Variants in CNTNAP2 observed in about 807,000 individuals in gnomAD.
The protein encoded by CNTNAP2 is contactin-associated protein-like 2.
Under a neutral mutation model 155.2 loss-of-function variants are expected in CNTNAP2, and 98 were observed. That is an observed-to-expected ratio of 0.63 (90% confidence interval 0.54 to 0.75). CNTNAP2 has a LOEUF of 0.75. CNTNAP2 is among the 30% of genes least tolerant of loss of function. The probability of loss-of-function intolerance (pLI) is 0.00; values close to 1 mark genes in which losing one functional copy is unlikely to be tolerated. For missense variants in CNTNAP2, 1,727 were observed against 1,688.1 expected, an observed-to-expected ratio of 1.02 and a Z score of -0.40; for synonymous variants, 651 against 631.2, an observed-to-expected ratio of 1.03 and a Z score of -0.47.
chr7:146,610,336 A>G (rs1585005453), intron 1 of CNTNAP2, among the ~76,000 whole-genome samples: 2 of 152,182 alleles, frequency 1.3e-5, no homozygotes, highest in African/African-American at 4.8e-5. Context: ...AAGACTTGAC[A>G]TGGCAGGAAA....
intron 19 of CNTNAP2, among the ~76,000 whole-genome samples, chr7:148,218,675 C>A (rs1273629671): frequency 6.6e-6 from 1 of 152,112 alleles, no homozygotes; most frequent in African/African-American, 2.4e-5. Flanking sequence ...CAGGCATGAG[C>A]CACCATGCCC....
chr7:147,044,678 A>T (rs1057211467), intron 4 of CNTNAP2, among the ~76,000 whole-genome samples: 1 of 152,176 alleles, frequency 6.6e-6, no homozygotes, highest in Non-Finnish European at 1.5e-5. Context: ...GGATTCCAAC[A>T]TATGAATTTG....
At chr7:147,147,971 C>A (rs1456769264) in intron 8 of CNTNAP2, among the ~76,000 whole-genome samples, 4 of 152,156 alleles carry the variant, frequency 2.6e-5, no homozygotes, top group African/African-American at 9.7e-5. Context: ...CAGAGTCTTT[C>A]ATTTTGGGTA....
intron 14 of CNTNAP2, among the ~76,000 whole-genome samples, chr7:147,913,244 T>C (rs541690206): frequency 6.6e-6 from 1 of 152,302 alleles, no homozygotes; most frequent in East Asian, 1.9e-4. Flanking sequence ...TGGCACAAGG[T>C]CCTGCTAAAT....
intron 13 of CNTNAP2, among the ~76,000 whole-genome samples, chr7:147,667,795 C>CTG (rs1795720560): frequency 7.7e-6 from 1 of 129,654 alleles, no homozygotes; most frequent in African/African-American, 2.8e-5. Context: ...GCTGCTGCTG[C>CTG]AAAAAAAAAA....
intron 21 of CNTNAP2, among the ~76,000 whole-genome samples, chr7:148,366,244 GCATGTATATATGTGTGTATATGTGTA>G (rs1174661246): frequency 7.1e-6 from 1 of 141,816 alleles, no homozygotes; most frequent in African/African-American, 2.6e-5. Flanking sequence ...ATATGTGTAT[GCATGTATATATGTGTGTATATGTGTA>G]CATGTATATA....
chr7:147,813,446 A>C (rs1268129818), intron 13 of CNTNAP2, among the ~76,000 whole-genome samples: 1 of 152,196 alleles, frequency 6.6e-6, no homozygotes, highest in Admixed American at 6.5e-5. Context: ...ATTGAAGCAG[A>C]AGGTAGCTAG....
chr7:147,894,828 C>T (rs955754368), intron 13 of CNTNAP2, among the ~76,000 whole-genome samples: 3 of 152,028 alleles, frequency 2.0e-5, no homozygotes, highest in African/African-American at 4.8e-5. Flanking sequence ...TTGAAAATCA[C>T]AGGTATGCAC....
Position 146,790,924 on chromosome 7 carries a change from T to C in CNTNAP2, c.208+16543T>C, listed in dbSNP as rs563838251. On this transcript the variant is annotated intron_variant, in intron 2 of 23. Transcript: ENST00000361727. ...TGGAGACAGGCTTTGAGTACCTCAG[T>C]CTTTTTTTTTTTTAACTTTAAGTTC... Among the ~76,000 whole-genome samples, 295 of 148,722 alleles carry C rather than the reference T, an allele frequency of 2.0e-3. 3 individuals are homozygous for C. The highest frequency in any genetic ancestry group is 7.0e-3 in the African/African-American group (271 of 38,684).
At chr7:148,351,061 A>C (rs111523047) in intron 21 of CNTNAP2, among the ~76,000 whole-genome samples, 3,484 of 152,290 alleles carry the variant, frequency 0.023, 47 homozygotes, top group African/African-American at 0.043. Flanking sequence ...GGGGCTTCTT[A>C]TTCGTGGGCA....
intron 8 of CNTNAP2, among the ~76,000 whole-genome samples, chr7:147,212,450 G>T (rs1322215651): frequency 6.6e-6 from 1 of 152,072 alleles, no homozygotes; most frequent in Non-Finnish European, 1.5e-5. Flanking sequence ...CATGGATGCA[G>T]CTGAAGGCCT....
chr7:146,156,549 A>G (rs1798129204), intron 1 of CNTNAP2, among the ~76,000 whole-genome samples: 1 of 152,222 alleles, frequency 6.6e-6, no homozygotes, highest in Admixed American at 6.5e-5. Flanking sequence ...CTATTAAATT[A>G]TTGTTATTTA....
chr7:147,830,883 G>T (rs1465603052), intron 13 of CNTNAP2, among the ~76,000 whole-genome samples: 3 of 152,166 alleles, frequency 2.0e-5, no homozygotes, highest in Non-Finnish European at 4.4e-5. Context: ...CATTTTCTAA[G>T]AAACAGAAGA....
At chr7:147,279,411 C>G (rs1253023232) in intron 8 of CNTNAP2, among the ~76,000 whole-genome samples, 1 of 151,708 alleles carries the variant, frequency 6.6e-6, no homozygotes, top group Admixed American at 6.6e-5. Flanking sequence ...ATTTGATGAA[C>G]TTAGGCGATG....
chr7:147,201,395 G>A (rs781272702), intron 8 of CNTNAP2, among the ~76,000 whole-genome samples: 22 of 152,194 alleles, frequency 1.4e-4, no homozygotes, highest in African/African-American at 4.8e-4. Flanking sequence ...CTCATTAACC[G>A]AGACAATGGG....
chr7:147,299,145 C>T (rs1331771514), intron 8 of CNTNAP2, among the ~76,000 whole-genome samples: 1 of 152,194 alleles, frequency 6.6e-6, no homozygotes, highest in Non-Finnish European at 1.5e-5. Flanking sequence ...ACCACCTTGT[C>T]ATAGCACAGG....
At chr7:147,320,883 T>G (rs1795339216) in intron 9 of CNTNAP2, among the ~76,000 whole-genome samples, 1 of 152,180 alleles carries the variant, frequency 6.6e-6, no homozygotes, top group East Asian at 1.9e-4. Flanking sequence ...ATAACTGACC[T>G]CCTGCTGATA....
At chr7:146,589,467 C>G (rs1337702819) in intron 1 of CNTNAP2, among the ~76,000 whole-genome samples, 3 of 152,016 alleles carry the variant, frequency 2.0e-5, no homozygotes, top group Non-Finnish European at 4.4e-5. Context: ...GAAGAAGCTG[C>G]AAACTATCAT....
intron 1 of CNTNAP2, among the ~76,000 whole-genome samples, chr7:146,699,412 G>A (rs190562651): frequency 6.6e-6 from 1 of 152,232 alleles, no homozygotes; most frequent in Non-Finnish European, 1.5e-5. Context: ...CAGGAGTTCT[G>A]CTGATGTGGT....
Sources: gnomAD v4.1 joint callset for allele counts (sites outside exome capture counted in the v4.1 genomes callset) on GRCh38, gnomAD v4.1.1 for gene constraint, MANE v1.5 for transcripts, NCBI Gene and HGNC (gene_info 2026-07-23, HGNC 2026-07-21) for gene names.